Variants in COBL observed in about 807,000 individuals in gnomAD.
COBL encodes protein cordon-bleu.
COBL carries 51 observed loss-of-function variants against 98.8 expected under a neutral mutation model. The ratio of observed to expected loss-of-function variants is 0.52; its 90% confidence interval spans 0.41 to 0.65. The LOEUF (loss-of-function observed/expected upper bound fraction) is 0.65, where lower values mean the gene tolerates loss of function less well. Ranked by LOEUF, COBL falls within the 30% of genes least tolerant of loss-of-function variation. COBL has a pLI of 0.00. For missense variants in COBL, 1,617 were observed against 1,617.5 expected (o/e 1.00, Z 0.01); for synonymous variants, 634 against 651.7 (o/e 0.97, Z 0.41).
intron 2 of COBL, among the ~76,000 whole-genome samples, chr7:51,201,294 T>C (rs559830267): frequency 1.5e-4 from 22 of 145,846 alleles, no homozygotes; most frequent in African/African-American, 5.3e-4. Flanking sequence ...AGAGCAGGGG[T>C]AGCTATATTG....
intron 6 of COBL, among the ~76,000 whole-genome samples, chr7:51,123,615 A>G (rs567562980): frequency 6.6e-6 from 1 of 152,342 alleles, no homozygotes; most frequent in Admixed American, 6.5e-5. Context: ...GAGGCTGTGA[A>G]TGATGGAGCA....
rs138538085 is a variant in COBL at position 51,226,383 on chromosome 7, G to A, written c.42-6439C>T. 8.5e-5 allele frequency among the ~76,000 whole-genome samples: 13 copies of A among 152,316 alleles called. No homozygotes were observed. In the East Asian group the frequency reaches 1.2e-3, roughly 14 times the overall value. ...TGTTTACAAGCGGTACATAAGCTGC[G>A]TCTGGTTTGTGTCTGGCTATTTATT... On this transcript the variant is annotated intron_variant, in intron 1 of 12. Coordinates refer to ENST00000265136, the MANE Select transcript of COBL (RefSeq NM_015198.5).
At chr7:51,193,210 T>C (rs566212223) in intron 3 of COBL, among the ~76,000 whole-genome samples, 169 bp downstream of exon 3, 1 of 152,326 alleles carries the variant, frequency 6.6e-6, no homozygotes, top group South Asian at 2.1e-4. Flanking sequence ...TGTGTACATT[T>C]TGTCTCCTAA....
At chr7:51,105,478 G>C (rs1796174741) in intron 6 of COBL, among the ~76,000 whole-genome samples, 2 of 152,200 alleles carry the variant, frequency 1.3e-5, no homozygotes, top group Admixed American at 1.3e-4. Context: ...GCTGGGTGGG[G>C]TGGCTCACAC....
At chr7:51,273,443 C>CA (rs1345499415) in intron 1 of COBL, among the ~76,000 whole-genome samples, 3 of 151,762 alleles carry the variant, frequency 2.0e-5, no homozygotes, top group Admixed American at 6.6e-5. Context: ...GTGTGGTGAA[C>CA]AGTAGCTACC....
rs1787417644 is a variant in COBL at position 51,025,205 on chromosome 7, G to A, written c.3672C>T (p.Ser1224=). ...TGCTGAGGGTGCCCGTGCTGAACCT[G>A]GAGGCCGTCCTTGGTGCAGAGAGAG... ...SQALSAPRTA[S]RFSTGTLSNT... Residue 1224 remains serine (S), a synonymous_variant, in exon 12 of 13, where the codon TCC becomes TCT. Coordinates refer to ENST00000265136, the MANE Select transcript of COBL (RefSeq NM_015198.5). 6.2e-7 allele frequency: 1 copy of A among 1,611,244 alleles called. No homozygotes were observed. Among genetic ancestry groups the A allele is most frequent in the African/African-American group, 1.3e-5 (1 of 74,592 alleles).
intron 1 of COBL, among the ~76,000 whole-genome samples, chr7:51,224,677 T>C (rs1407536669): frequency 1.3e-5 from 2 of 152,022 alleles, no homozygotes; most frequent in African/African-American, 2.4e-5. Context: ...TTTTTTATTT[T>C]ATTATTATTT....
chr7:51,041,090 C>T (rs1789140787), intron 8 of COBL, among the ~76,000 whole-genome samples: 1 of 152,208 alleles, frequency 6.6e-6, no homozygotes, highest in Admixed American at 6.5e-5. Context: ...TAATTTTGCT[C>T]TGTTCTCACA....
intron 7 of COBL, among the ~76,000 whole-genome samples, chr7:51,084,784 G>A (rs1475965476): frequency 2.6e-5 from 4 of 152,140 alleles, no homozygotes; most frequent in Non-Finnish European, 4.4e-5. Flanking sequence ...TGTGGCCTAA[G>A]ATCTCTTTGA....
intron 5 of COBL, among the ~76,000 whole-genome samples, chr7:51,174,954 G>A (rs558047879): frequency 2.0e-5 from 3 of 152,270 alleles, no homozygotes; most frequent in Admixed American, 1.3e-4. Flanking sequence ...AGCACCCAGC[G>A]TTTTCTCTCA....
chr7:51,146,542 G>A (rs772625060), intron 5 of COBL, among the ~76,000 whole-genome samples: 17 of 151,848 alleles, frequency 1.1e-4, no homozygotes, highest in African/African-American at 3.4e-4. Context: ...ATTCTGTAGC[G>A]CTTCTGCCAT....
At chr7:51,305,401 TA>T (rs1165277217) in intron 1 of COBL, among the ~76,000 whole-genome samples, 38 of 152,182 alleles carry the variant, frequency 2.5e-4, no homozygotes, top group African/African-American at 9.2e-4. Context: ...ATTTCTAACA[TA>T]TAATTTTCCT....
chr7:51,072,152 T>C (rs943304517), intron 7 of COBL: 2 of 152,222 alleles, frequency 1.3e-5, no homozygotes, highest in South Asian at 4.1e-4. Flanking sequence ...ATTCTTTTTT[T>C]TTTTTTCCAT....
chr7:51,022,066 G>A (rs1786994439), intron 12 of COBL, among the ~76,000 whole-genome samples: 1 of 152,102 alleles, frequency 6.6e-6, no homozygotes, highest in African/African-American at 2.4e-5. Flanking sequence ...TTGTGGTTCT[G>A]TGATAAAGCG....
In COBL at chr7:51,230,876, T is replaced by C. The variant is rs902124941; in HGVS notation, c.42-10932A>G. ...CTGTCTCCATCAACCCTCACCAGCC[T>C]TCAGTGAGTGAATGAATGGAGTAAA... On this transcript the variant is annotated intron_variant, in intron 1 of 12. Coordinates refer to ENST00000265136, the MANE Select transcript of COBL (RefSeq NM_015198.5). Among the ~76,000 whole-genome samples the C allele has an allele frequency of 6.6e-5, 10 of 152,334 alleles. No homozygotes were observed. In the South Asian group the frequency reaches 2.1e-3, roughly 32 times the overall value.
chr7:51,222,006 G>A (rs1348162679), intron 1 of COBL, among the ~76,000 whole-genome samples: 5 of 152,080 alleles, frequency 3.3e-5, no homozygotes, highest in Admixed American at 1.3e-4. Context: ...TGGTCAACAC[G>A]GTGAAATTCT....
At position 51,290,206 on chromosome 7, in the gene COBL, T is replaced by C. The variant is rs148533647; in HGVS notation, c.41+26387A>G. ...GCATACACCAATCACAGAGACTCAATAGAATGGGCAAGTCACAATGCCAGT... is the reference window on the plus strand; with the variant it reads ...GCATACACCAATCACAGAGACTCAACAGAATGGGCAAGTCACAATGCCAGT... On this transcript the variant is annotated intron_variant, in intron 1 of 12. Transcript: ENST00000265136. Among the ~76,000 whole-genome samples the C allele has an allele frequency of 3.3e-3, 510 of 152,292 alleles. 2 individuals carry two copies. Among genetic ancestry groups the C allele is most frequent in the Middle Eastern group, 6.8e-3 (2 of 294 alleles).
In COBL at chr7:51,316,792, G is replaced by A. The variant is rs1308233311; in HGVS notation, c.-159C>T. The A allele has an allele frequency of 3.9e-6, 2 of 518,636 alleles. No homozygotes were observed. The highest frequency in any genetic ancestry group is 2.8e-6 in the Non-Finnish European group (1 of 351,644). The allele number at this position is 518,636 out of a possible 1,614,324, so 32.1% of individuals were successfully genotyped here. On this transcript the variant is annotated 5_prime_UTR_variant, in exon 1 of 13. Transcript: ENST00000265136. ...CAGCGGCGGAGCGCGGCGGACGGAA[G>A]GGGCTGGAATCGTCTCTAGCGGGCG...
intron 1 of COBL, among the ~76,000 whole-genome samples, chr7:51,302,581 CAA>C (rs397888990): frequency 5.9e-4 from 39 of 66,540 alleles, no homozygotes; most frequent in African/African-American, 1.4e-3. Context: ...AACTCCGTCT[CAA>C]AAAAAAAAAA....
Sources: gnomAD v4.1 joint callset for allele counts (sites outside exome capture counted in the v4.1 genomes callset) on GRCh38, gnomAD v4.1.1 for gene constraint, MANE v1.5 for transcripts, NCBI Gene and HGNC (gene_info 2026-07-23, HGNC 2026-07-21) for gene names.